IKZF3: variants seen among roughly 807,000 people sequenced by gnomAD.
The protein encoded by IKZF3 is IKAROS family zinc finger 3, also known as zinc finger protein Aiolos.
Under a neutral mutation model 49.0 loss-of-function variants are expected in IKZF3, and 10 were observed. The observed-to-expected ratio is 0.20, with a 90% CI of 0.13 to 0.35. The LOEUF is 0.35. Among genes scored for constraint, IKZF3 ranks in the 10% least tolerant of loss-of-function variants. The pLI is 1.00. For missense variants in IKZF3, 498 were observed against 664.8 expected (o/e 0.75, Z 2.76); for synonymous variants, 209 against 228.2 (o/e 0.92, Z 0.76).
intron 1 of IKZF3, among the ~76,000 whole-genome samples, chr17:39,851,005 A>G (rs1029293054): frequency 1.4e-5 from 2 of 144,514 alleles, no homozygotes; most frequent in African/African-American, 2.5e-5. Flanking sequence ...ATATACATGT[A>G]TATATTATAT....
chr17:39,850,987 T>TTATATACAC (rs2062854702), intron 1 of IKZF3, among the ~76,000 whole-genome samples: 1 of 143,542 alleles, frequency 7.0e-6, no homozygotes, highest in Non-Finnish European at 1.5e-5. Flanking sequence ...ATTATATATG[T>TTATATACAC]GTATATTATA....
chr17:39,792,757 T>A lies in IKZF3; in HGVS notation c.340A>T (p.Thr114Ser). The A allele has an allele frequency of 6.2e-7, 1 of 1,614,126 alleles. No homozygotes were observed. The highest frequency in any genetic ancestry group is 1.1e-5 in the South Asian group (1 of 91,082). Residue 114 changes from threonine (T) to serine (S), a missense_variant, in exon 4 of 8, where the codon ACC (threonine) becomes TCC (serine). Physicochemically the swap from Thr to Ser is moderately conservative, Grantham distance 58. This residue lies in a region of IKZF3 where 84 missense variants were observed against 168.6 expected (regional missense o/e 0.50). Transcript: ENST00000346872. ...HVVSFDSSRPTSGKMNCDVCG... is the reference protein window; with the variant it reads ...HVVSFDSSRPSSGKMNCDVCG... The stretch of plus-strand genomic sequence containing the variant: ...ACATCGCAGTTCATCTTTCCACTGG[T>A]TGGCCTGCTACTATCGAATGAGACA...
rs565382794 is a variant in IKZF3, at chr17:39,811,145, A to C, written c.164-18212T>G. ...CTAGTTACTCAGGAGGTTGAGGTGG[A>C]AGTATTGCTTGAGCCCACGAGGTCA... On this transcript the variant is annotated intron_variant, in intron 3 of 7. Transcript: ENST00000346872. 1.7e-4 allele frequency among the ~76,000 whole-genome samples: 26 copies of C among 151,688 alleles called. No homozygotes were observed. In the South Asian group the frequency reaches 5.2e-3, roughly 30 times the overall value.
At chr17:39,858,909 C>T (rs549243169) in intron 1 of IKZF3, among the ~76,000 whole-genome samples, 1 of 151,714 alleles carries the variant, frequency 6.6e-6, no homozygotes, top group Non-Finnish European at 1.5e-5. Context: ...AAGCCATCCT[C>T]CCACCTCAGC....
intron 3 of IKZF3, among the ~76,000 whole-genome samples, chr17:39,806,953 G>C (rs368250010): frequency 6.6e-6 from 1 of 152,152 alleles, no homozygotes. Flanking sequence ...GTGAAGAAAC[G>C]AGGCCTTCAG....
At chr17:39,835,966 G>A in intron 1 of IKZF3, 1 of 635,886 alleles carries the variant, frequency 1.6e-6, no homozygotes, top group South Asian at 1.5e-5. Flanking sequence ...AGCTGCCACG[G>A]AGGTTTGTTG....
intron 3 of IKZF3, among the ~76,000 whole-genome samples, chr17:39,808,681 T>C (rs547814928): frequency 9.9e-5 from 15 of 152,276 alleles, no homozygotes; most frequent in African/African-American, 3.6e-4. Context: ...GGAATGTGAG[T>C]TCTCTCGTAA....
At chr17:39,768,726 C>A (rs990941093) in intron 7 of IKZF3, among the ~76,000 whole-genome samples, 9 of 152,138 alleles carry the variant, frequency 5.9e-5, no homozygotes, top group African/African-American at 1.9e-4. Flanking sequence ...GGTTTTTTTC[C>A]TCTGTTTGAT....
At chr17:39,802,293 A>G (rs1015604488) in intron 3 of IKZF3, among the ~76,000 whole-genome samples, 1 of 150,732 alleles carries the variant, frequency 6.6e-6, no homozygotes, top group Non-Finnish European at 1.5e-5. Flanking sequence ...ATAAAATTCT[A>G]TAGATTTAAG....
At chr17:39,790,818 G>A (rs1232230495) in intron 5 of IKZF3, among the ~76,000 whole-genome samples, 3 of 151,668 alleles carry the variant, frequency 2.0e-5, no homozygotes, top group Non-Finnish European at 4.4e-5. Context: ...CACTTTGGGA[G>A]GTCAAAGTGG....
intron 3 of IKZF3, among the ~76,000 whole-genome samples, chr17:39,796,892 C>T (rs1163447348): frequency 2.0e-5 from 3 of 148,874 alleles, no homozygotes; most frequent in East Asian, 2.1e-4. Context: ...GGTCCAGGAG[C>T]GGTGGCTCAC....
intron 1 of IKZF3, among the ~76,000 whole-genome samples, chr17:39,856,496 T>A (rs1294333723): frequency 6.6e-6 from 1 of 152,106 alleles, no homozygotes; most frequent in Non-Finnish European, 1.5e-5. Context: ...GGTCACAAAC[T>A]GTTAATAATA....
At chr17:39,835,194 T>G in intron 1 of IKZF3, 2 of 512,934 alleles carry the variant, frequency 3.9e-6, no homozygotes, top group Non-Finnish European at 7.8e-6. Flanking sequence ...ACTCATGCTC[T>G]GCATCCCAGA....
At chr17:39,816,066 C>T (rs1348069133) in intron 3 of IKZF3, among the ~76,000 whole-genome samples, 1 of 152,100 alleles carries the variant, frequency 6.6e-6, no homozygotes, top group Non-Finnish European at 1.5e-5. Flanking sequence ...TATAAAAAGG[C>T]CTCCTGGAGG....
chr17:39,809,435 A>C (rs566267334), intron 3 of IKZF3, among the ~76,000 whole-genome samples: 1 of 152,376 alleles, frequency 6.6e-6, no homozygotes, highest in South Asian at 2.1e-4. Context: ...GTTATACACC[A>C]AGGGCTGGAT....
chr17:39,758,984 G>A lies in IKZF3; in HGVS notation c.*6806C>T, dbSNP rs966022287. ...AACATTAGCTCATATACAAAATCAT[G>A]GAAAACCTCACAACATCCTTGGAAG... On this transcript the variant is annotated 3_prime_UTR_variant, in exon 8 of 8. Transcript: ENST00000346872. 3 of 150,826 alleles carry A rather than the reference G, an allele frequency of 2.0e-5. No individual in the cohort carries two copies. Among genetic ancestry groups the A allele is most frequent in the Non-Finnish European group, 4.4e-5 (3 of 67,824 alleles). The allele number at this position is 150,826 out of a possible 1,614,324, so 9.3% of individuals were successfully genotyped here.
chr17:39,776,440 T>C (rs532627264), intron 7 of IKZF3, among the ~76,000 whole-genome samples: 2 of 152,306 alleles, frequency 1.3e-5, no homozygotes, highest in South Asian at 4.1e-4. Context: ...AGTCACTACA[T>C]GCTCCCCTGA....
chr17:39,771,101 C>A (rs918107221), intron 7 of IKZF3, among the ~76,000 whole-genome samples: 1 of 152,210 alleles, frequency 6.6e-6, no homozygotes, highest in Non-Finnish European at 1.5e-5. Flanking sequence ...AATCCAAGAG[C>A]CCACATATCC....
chr17:39,831,414 C>T (rs941834646), intron 2 of IKZF3, among the ~76,000 whole-genome samples: 1 of 151,872 alleles, frequency 6.6e-6, no homozygotes, highest in Non-Finnish European at 1.5e-5. Context: ...TTACAAGTTA[C>T]AGTAACACAA....
Sources: gnomAD v4.1 joint callset for allele counts (sites outside exome capture counted in the v4.1 genomes callset) on GRCh38, gnomAD v4.1.1 for gene constraint, gnomAD v4.1.1 regional missense constraint, MANE v1.5 for transcripts, NCBI Gene and HGNC (gene_info 2026-07-23, HGNC 2026-07-21) for gene names.